CLIC5: variants seen among roughly 807,000 people sequenced by gnomAD.
CLIC5 encodes the protein CLIC family member 5.
A neutral mutation model predicts 24.7 loss-of-function variants in CLIC5; 20 were observed. The observed-to-expected ratio is 0.81, with a 90% CI of 0.57 to 1.18. The LOEUF (loss-of-function observed/expected upper bound fraction) is 1.18. Among genes scored for constraint, CLIC5 ranks in the 50% most tolerant of loss-of-function variants. CLIC5 has a pLI of 0.00. For missense variants in CLIC5, 341 were observed against 326.1 expected (o/e 1.05, Z -0.35); for synonymous variants, 159 against 135.6 (o/e 1.17, Z -1.20).
intron 1 of CLIC5, among the ~76,000 whole-genome samples, chr6:45,972,117 T>G (rs1429534142): frequency 6.6e-6 from 1 of 152,192 alleles, no homozygotes; most frequent in Admixed American, 6.5e-5. Context: ...AAATTTAACA[T>G]AAGTAGAGTA....
chr6:45,957,227 C>T (rs1320256095), intron 1 of CLIC5, among the ~76,000 whole-genome samples: 14 of 152,014 alleles, frequency 9.2e-5, no homozygotes, highest in Admixed American at 9.2e-4. Context: ...TTCTCAACTA[C>T]ATAAAAAATT....
At chr6:46,024,259 C>T (rs1302195237) in intron 1 of CLIC5, among the ~76,000 whole-genome samples, 1 of 152,140 alleles carries the variant, frequency 6.6e-6, no homozygotes, top group Non-Finnish European at 1.5e-5. Context: ...TTCCTCCATT[C>T]ACAGTACCTT....
At chr6:45,935,004 AAG>A (rs1183868180) in intron 4 of CLIC5, among the ~76,000 whole-genome samples, 8 of 152,248 alleles carry the variant, frequency 5.3e-5, no homozygotes, top group African/African-American at 1.7e-4. Flanking sequence ...AGCATAAGGA[AAG>A]AGAGATTGTG....
At chr6:45,890,627 G>A (rs572803906) in intron 6 of CLIC5, among the ~76,000 whole-genome samples, 42 of 152,288 alleles carry the variant, frequency 2.8e-4, no homozygotes, top group Middle Eastern at 6.8e-3. Context: ...GTTCATTGCA[G>A]CATTCACAAT....
chr6:46,097,266 G>C, the CLIC5 span: 1 of 152,160 alleles, frequency 6.6e-6, no homozygotes, highest in South Asian at 2.1e-4. Context: ...TATAGCAAAT[G>C]TTTATTGTAG....
intron 1 of CLIC5, among the ~76,000 whole-genome samples, chr6:46,041,493 C>A (rs1049698038): frequency 2.0e-5 from 3 of 152,178 alleles, no homozygotes; most frequent in Non-Finnish European, 4.4e-5. Context: ...TACAGCCTAC[C>A]TTTTATTGCT....
intron 6 of CLIC5, among the ~76,000 whole-genome samples, chr6:45,881,638 C>T (rs1406250259): frequency 6.6e-6 from 1 of 152,122 alleles, no homozygotes; most frequent in Non-Finnish European, 1.5e-5. Context: ...TTCCCTTTAC[C>T]CCTTTAATTT....
chr6:46,029,947 C>T (rs1345427451), intron 1 of CLIC5, among the ~76,000 whole-genome samples: 1 of 152,082 alleles, frequency 6.6e-6, no homozygotes, highest in Non-Finnish European at 1.5e-5. Context: ...GTGATGGGCC[C>T]TCAAAGGGAA....
chr6:45,924,963 G>T (rs1763421745), intron 4 of CLIC5, among the ~76,000 whole-genome samples: 1 of 152,122 alleles, frequency 6.6e-6, no homozygotes, highest in Non-Finnish European at 1.5e-5. Flanking sequence ...TGATGTTTGG[G>T]GGTGGAGCAA....
intron 1 of CLIC5, among the ~76,000 whole-genome samples, chr6:45,996,564 T>G (rs1185745538): frequency 6.6e-6 from 1 of 152,176 alleles, no homozygotes; most frequent in Admixed American, 6.5e-5. Flanking sequence ...TTTCTACATA[T>G]GGCTAGCCAG....
intron 1 of CLIC5, among the ~76,000 whole-genome samples, chr6:45,962,940 A>G (rs1463346464): frequency 6.6e-6 from 1 of 152,094 alleles, no homozygotes; most frequent in Admixed American, 6.5e-5. Context: ...CACTGAGTGT[A>G]TGTTCACCCT....
chr6:46,009,079 G>A (rs767100571), intron 1 of CLIC5, among the ~76,000 whole-genome samples: 1 of 151,988 alleles, frequency 6.6e-6, no homozygotes, highest in Non-Finnish European at 1.5e-5. Flanking sequence ...AAGTGAAGAA[G>A]GCAAGTGCAG....
chr6:45,906,686 C>T, intron 5 of CLIC5, among the ~76,000 whole-genome samples: 1 of 152,222 alleles, frequency 6.6e-6, no homozygotes, highest in East Asian at 1.9e-4. Context: ...CCTCAACCTC[C>T]TGAGTAGCTG....
At chr6:45,950,818 A>G (rs1473985468) in intron 2 of CLIC5, among the ~76,000 whole-genome samples, 3 of 152,104 alleles carry the variant, frequency 2.0e-5, no homozygotes, top group East Asian at 3.9e-4. Context: ...TTCTCAAAAT[A>G]AGACTTATTT....
At chr6:46,052,133 A>C (rs1033216546) in intron 1 of CLIC5, among the ~76,000 whole-genome samples, 5 of 152,184 alleles carry the variant, frequency 3.3e-5, no homozygotes, top group African/African-American at 1.2e-4. Flanking sequence ...CTGAAAAAAA[A>C]AAAAAGAAGA....
rs1033084620 is a variant in CLIC5 at position 45,899,514 on chromosome 6, C to G, written c.*3574G>C. The G allele has an allele frequency of 1.3e-5, 2 of 152,280 alleles. No individual in the cohort carries two copies. Among genetic ancestry groups the G allele is most frequent in the Non-Finnish European group, 2.9e-5 (2 of 68,076 alleles). 9.4% of individuals were successfully genotyped at this position (152,280 alleles called of 1,614,324 possible). On this transcript the variant is annotated 3_prime_UTR_variant, in exon 6 of 6. Transcript: ENST00000339561. ...CACACACTCTCACAGTGATGCTAAA[C>G]TCTTTACAAGATAGACCCGCAGCTT...
chr6:45,938,989 T>A (rs1378458467), intron 4 of CLIC5, among the ~76,000 whole-genome samples: 1 of 152,122 alleles, frequency 6.6e-6, no homozygotes, highest in Non-Finnish European at 1.5e-5. Flanking sequence ...AGGGGCCATA[T>A]TCATTTCCTA....
At chr6:46,108,211 T>C in the CLIC5 span, among the ~76,000 whole-genome samples, 1 of 152,136 alleles carries the variant, frequency 6.6e-6, no homozygotes, top group Non-Finnish European at 1.5e-5. Context: ...TTAGCATTAA[T>C]AATACACTGA....
rs34976541 is a variant in CLIC5 at position 45,939,217 on chromosome 6, C to CTT, written c.406+2328_406+2329dup. Among the ~76,000 whole-genome samples, 485 of 115,712 alleles carry CTT rather than the reference C, an allele frequency of 4.2e-3. 2 individuals carry two copies. Among genetic ancestry groups the CTT allele is most frequent in the Non-Finnish European group, 4.9e-3 (290 of 59,146 alleles). The allele number at this position is 115,712 out of a possible 152,430, so 75.9% of individuals were successfully genotyped here. On this transcript the variant is annotated intron_variant, in intron 4 of 5. Transcript: ENST00000339561. ...ACATGTCTGTGTCCTCTCCTCTCCTCTTTTTTTTTTTTTTTTTTTTTTGAG... is the reference window on the plus strand; with the variant it reads ...ACATGTCTGTGTCCTCTCCTCTCCTCTTTTTTTTTTTTTTTTTTTTTTTTGAG...
Sources: gnomAD v4.1 joint callset for allele counts (sites outside exome capture counted in the v4.1 genomes callset) on GRCh38, gnomAD v4.1.1 for gene constraint, MANE v1.5 for transcripts, NCBI Gene and HGNC (gene_info 2026-07-23, HGNC 2026-07-21) for gene names.